The following FHIT variants were observed in gnomAD, a reference collection of about 807,000 sequenced individuals.
FHIT encodes the protein fragile histidine triad diadenosine triphosphatase, also known as bis(5'-adenosyl)-triphosphatase.
In FHIT, 19 loss-of-function variants were observed where a neutral mutation model predicts 17.9. The ratio of observed to expected loss-of-function variants is 1.06; its 90% CI spans 0.74 to 1.56. FHIT has a LOEUF of 1.56. Ranked by LOEUF, FHIT falls within the 40% of genes most tolerant of loss-of-function variation. The probability of loss-of-function intolerance (pLI) is 0.00; values close to 1 mark genes in which losing one functional copy is unlikely to be tolerated. For synonymous variants in FHIT, 81 were observed against 69.7 expected, an observed-to-expected ratio of 1.16 and a Z score of -0.81; for missense variants, 248 against 189.2, an observed-to-expected ratio of 1.31 and a Z score of -1.82.
chr3:61,222,678 G>A, intron 1 of FHIT, among the ~76,000 whole-genome samples: 1 of 152,188 alleles, frequency 6.6e-6, no homozygotes, highest in East Asian at 1.9e-4. Context: ...ACAAGACGAG[G>A]AGTGGGAAAT....
intron 5 of FHIT, among the ~76,000 whole-genome samples, chr3:60,049,901 C>T (rs1701803075): frequency 2.0e-5 from 3 of 152,224 alleles, no homozygotes; most frequent in African/African-American, 7.2e-5. Context: ...TAATTCTTTA[C>T]CATATCAAAC....
chr3:60,890,642 G>C (rs1705468986), intron 3 of FHIT, among the ~76,000 whole-genome samples: 2 of 152,174 alleles, frequency 1.3e-5, no homozygotes, highest in African/African-American at 4.8e-5. Context: ...TATATGACTA[G>C]AATGTGTGGA....
chr3:60,558,177 G>A (rs1167098005), intron 4 of FHIT, among the ~76,000 whole-genome samples: 1 of 151,954 alleles, frequency 6.6e-6, no homozygotes, highest in Non-Finnish European at 1.5e-5. Context: ...GCGGGGCTCA[G>A]AAGACAGAGG....
chr3:60,059,042 C>T (rs1379643591), intron 5 of FHIT, among the ~76,000 whole-genome samples: 2 of 152,166 alleles, frequency 1.3e-5, no homozygotes, highest in African/African-American at 4.8e-5. Flanking sequence ...GGTAGGTAGT[C>T]AGGCGTGATG....
chr3:61,234,804 G>T (rs962151370), intron 1 of FHIT, among the ~76,000 whole-genome samples: 4 of 152,164 alleles, frequency 2.6e-5, no homozygotes, highest in Admixed American at 1.3e-4. Flanking sequence ...CCTGCCTGCA[G>T]ATCCAATGGA....
intron 3 of FHIT, among the ~76,000 whole-genome samples, chr3:60,928,427 G>C (rs1322016344): frequency 2.6e-5 from 4 of 151,314 alleles, no homozygotes; most frequent in African/African-American, 9.7e-5. Flanking sequence ...GTATGCCTTG[G>C]GGTCCCAGCT....
At chr3:60,890,221 T>TAAAAAAAAAAAAAAAAAAA (rs59950717) in intron 3 of FHIT, among the ~76,000 whole-genome samples, 7 of 115,638 alleles carry the variant, frequency 6.1e-5, no homozygotes, top group African/African-American at 1.1e-4. Flanking sequence ...TTCCATGATG[T>TAAAAAAAAAAAAAAAAAAA]AAAAAAAAAA....
At chr3:60,031,820 T>G (rs894345644) in intron 5 of FHIT, among the ~76,000 whole-genome samples, 1 of 152,066 alleles carries the variant, frequency 6.6e-6, no homozygotes, top group African/African-American at 2.4e-5. Context: ...TGAACATGAA[T>G]GAAAAAAATG....
intron 5 of FHIT, among the ~76,000 whole-genome samples, chr3:60,371,553 T>G (rs2107060226): frequency 6.6e-6 from 1 of 152,220 alleles, no homozygotes; most frequent in East Asian, 1.9e-4. Context: ...CTAAAAATAT[T>G]TACAGGTTAC....
intron 4 of FHIT, among the ~76,000 whole-genome samples, chr3:60,599,055 C>A (rs1489600406): frequency 6.6e-6 from 1 of 152,130 alleles, no homozygotes; most frequent in Non-Finnish European, 1.5e-5. Context: ...TCCATTGTAT[C>A]TTGCTGTGGG....
At chr3:60,420,329 A>G (rs1316834381) in intron 5 of FHIT, among the ~76,000 whole-genome samples, 1 of 152,158 alleles carries the variant, frequency 6.6e-6, no homozygotes, top group African/African-American at 2.4e-5. Context: ...AGTTCATTCA[A>G]CTAGTCTCAA....
rs761540037 is a variant in FHIT at position 60,626,782 on chromosome 3, ACT to A, written c.-17-89805_-17-89804del. On this transcript the variant is annotated intron_variant, in intron 4 of 9. Coordinates refer to ENST00000492590, the MANE Select transcript of FHIT (RefSeq NM_002012.4). ...CTTCTTCCTTATCTTAGGGGAAAAC[ACT>A]CTTTTTTTTTTTTTTTTTTACGTTA... is the stretch of plus-strand genomic sequence containing the variant. Among the ~76,000 whole-genome samples, 18 of 69,876 alleles carry A rather than the reference ACT, an allele frequency of 2.6e-4. 2 individuals carry two copies. Among genetic ancestry groups the A allele is most frequent in the Non-Finnish European group, 2.9e-4 (11 of 37,398 alleles). 45.8% of individuals were successfully genotyped at this position (69,876 alleles called of 152,430 possible). A position where few individuals can be genotyped will look rare whatever the true frequency, so the allele number is the denominator to read the frequency against.
intron 6 of FHIT, among the ~76,000 whole-genome samples, chr3:60,013,789 G>C (rs1179255594): frequency 6.6e-6 from 1 of 152,072 alleles, no homozygotes; most frequent in African/African-American, 2.4e-5. Flanking sequence ...CACCTGCTTG[G>C]TAAACAAGCC....
At chr3:60,371,845 T>G (rs1407637542) in intron 5 of FHIT, among the ~76,000 whole-genome samples, 2 of 133,618 alleles carry the variant, frequency 1.5e-5, no homozygotes, top group African/African-American at 7.5e-5. Context: ...TTGTGGGGTT[T>G]TTTTTTTTTT....
At chr3:60,093,607 G>A (rs529077096) in intron 5 of FHIT, among the ~76,000 whole-genome samples, 7 of 152,196 alleles carry the variant, frequency 4.6e-5, no homozygotes, top group Admixed American at 2.0e-4. Flanking sequence ...CCACACAGCA[G>A]GAGGTGAGTG....
At chr3:60,510,760 G>T (rs370455186) in intron 5 of FHIT, among the ~76,000 whole-genome samples, 2 of 151,922 alleles carry the variant, frequency 1.3e-5, no homozygotes, top group Non-Finnish European at 2.9e-5. Flanking sequence ...GTACAATTAC[G>T]AATCCAAAAT....
At chr3:59,875,806 G>A (rs1559688311) in intron 8 of FHIT, among the ~76,000 whole-genome samples, 1 of 152,072 alleles carries the variant, frequency 6.6e-6, no homozygotes, top group Admixed American at 6.5e-5. Context: ...CTGTGACATG[G>A]ATTCATATAT....
intron 5 of FHIT, among the ~76,000 whole-genome samples, chr3:60,373,788 G>A (rs540881756): frequency 3.5e-4 from 54 of 152,196 alleles, no homozygotes; most frequent in African/African-American, 1.3e-3. Flanking sequence ...TTCTTAAATC[G>A]CTCCTATTCC....
At chr3:61,043,415 G>A (rs1342145897) in intron 2 of FHIT, among the ~76,000 whole-genome samples, 1 of 152,190 alleles carries the variant, frequency 6.6e-6, no homozygotes, top group Non-Finnish European at 1.5e-5. Context: ...AAGCAGCAGT[G>A]AGGCTGGGGG....
Sources: allele counts gnomAD v4.1 joint callset (sites outside exome capture counted in the v4.1 genomes callset), GRCh38; gene constraint gnomAD v4.1.1; transcripts MANE v1.5; gene names NCBI Gene and HGNC (gene_info 2026-07-23, HGNC 2026-07-21).